The following ATXN10 variants were observed in gnomAD, a reference collection of about 807,000 sequenced individuals.
The protein encoded by ATXN10 is ataxin 10.
In ATXN10, 28 loss-of-function variants were observed where a neutral mutation model predicts 52.9. The observed-to-expected ratio is 0.53, with a 90% confidence interval of 0.39 to 0.73. The LOEUF is 0.73. Ranked by LOEUF, ATXN10 falls within the 30% of genes least tolerant of loss-of-function variation. The probability of loss-of-function intolerance (pLI) is 0.00; values close to 1 mark genes in which losing one functional copy is unlikely to be tolerated. For synonymous variants in ATXN10, 226 were observed against 221.5 expected (o/e 1.02, Z -0.18); for missense variants, 565 against 577.0 (o/e 0.98, Z 0.21).
intron 9 of ATXN10, among the ~76,000 whole-genome samples, chr22:45,804,924 C>T (rs992359439): frequency 9.9e-5 from 15 of 152,180 alleles, no homozygotes; most frequent in Non-Finnish European, 1.5e-5. Context: ...ACACAAGATT[C>T]TCATATAAGG....
At position 45,678,697 on chromosome 22, in the gene ATXN10, C is replaced by G. The variant is rs2146724090; in HGVS notation, c.116+6518C>G. ...ATAGAGCAATGAAGAGCCAGTAGCTCCAGTGAGCCAATCAGTAATTACTCA... is the reference window on the plus strand; with the variant it reads ...ATAGAGCAATGAAGAGCCAGTAGCTGCAGTGAGCCAATCAGTAATTACTCA... On this transcript the variant is annotated intron_variant, in intron 1 of 11. Coordinates refer to ENST00000252934, the MANE Select transcript of ATXN10 (RefSeq NM_013236.4). This position sits in a 1 kb window ranked among gnomAD's most constrained non-coding sequence, Gnocchi z 4.1. The G allele has an allele frequency of 6.6e-6, 1 of 152,236 alleles. No homozygotes were observed. The highest frequency in any genetic ancestry group is 1.5e-5 in the Non-Finnish European group (1 of 68,016). The allele number at this position is 152,236 out of a possible 1,614,324, so 9.4% of individuals were successfully genotyped here.
At chr22:45,753,911 T>A (rs1926083392) in intron 9 of ATXN10, among the ~76,000 whole-genome samples, 1 of 152,164 alleles carries the variant, frequency 6.6e-6, no homozygotes, top group Non-Finnish European at 1.5e-5. Context: ...GACTAGAGTT[T>A]TTCATTCTTT....
chr22:45,802,617 C>A (rs1291540991), intron 9 of ATXN10, among the ~76,000 whole-genome samples: 3 of 152,268 alleles, frequency 2.0e-5, no homozygotes, highest in East Asian at 3.9e-4. Context: ...TCCCTTGTAT[C>A]CTTTCCTAAT....
chr22:45,811,688 C>G (rs1026032053), intron 10 of ATXN10: 2 of 470,158 alleles, frequency 4.3e-6, no homozygotes, highest in African/African-American at 4.0e-5. Flanking sequence ...GATATTGTCT[C>G]TATCCCCAGT....
In ATXN10 at chr22:45,715,512, G is replaced by C. The variant is rs1490474637; in HGVS notation, c.648-2901G>C. Among the ~76,000 whole-genome samples the C allele has an allele frequency of 6.6e-6, 1 of 152,178 alleles. No individual in the cohort carries two copies. The highest frequency in any genetic ancestry group is 2.4e-5 in the African/African-American group (1 of 41,434). ...AAATTTGTGAACTTTCTTATAACAT[G>C]AGTTGTTTTTGTTATTTGCTGTTGT... is the stretch of plus-strand genomic sequence containing the variant. On this transcript the variant is annotated intron_variant, in intron 5 of 11. Transcript: ENST00000252934. The surrounding 1 kb of genome is among the most constrained non-coding windows in gnomAD (Gnocchi z 4.4).
intron 1 of ATXN10, among the ~76,000 whole-genome samples, chr22:45,682,946 C>T (rs570385329): frequency 6.6e-6 from 1 of 152,308 alleles, no homozygotes; most frequent in East Asian, 1.9e-4. Flanking sequence ...TCTCTTTCTC[C>T]CTTTAAGATT....
rs1926936252 is a variant in ATXN10, at chr22:45,775,869, A to G, written c.1174-31090A>G. 6.6e-6 allele frequency among the ~76,000 whole-genome samples: 1 copy of G among 152,164 alleles called. No individual in the cohort carries two copies. The highest frequency in any genetic ancestry group is 6.5e-5 in the Admixed American group (1 of 15,272). The stretch of plus-strand genomic sequence containing the variant: ...CGCCCCTCACAGCCAGCCGGGAGGT[A>G]ACATTAACATCCGTTTGCTGGTGTT... On this transcript the variant is annotated intron_variant, in intron 9 of 11. Transcript: ENST00000252934. This position sits in a 1 kb window ranked among gnomAD's most constrained non-coding sequence, Gnocchi z 4.7.
intron 5 of ATXN10, among the ~76,000 whole-genome samples, chr22:45,711,998 A>G (rs751397242): frequency 6.6e-6 from 1 of 152,230 alleles, no homozygotes; most frequent in African/African-American, 2.4e-5. Context: ...ACTTTAGAAT[A>G]TAAAAAAAAG....
In ATXN10 at chr22:45,762,474, C is replaced by T. The variant is rs1208213794; in HGVS notation, c.1173+21936C>T. 6.6e-6 allele frequency among the ~76,000 whole-genome samples: 1 copy of T among 152,188 alleles called. No homozygotes were observed. Among genetic ancestry groups the T allele is most frequent in the Non-Finnish European group, 1.5e-5 (1 of 68,030 alleles). On this transcript the variant is annotated intron_variant, in intron 9 of 11. Coordinates refer to ENST00000252934, the MANE Select transcript of ATXN10 (RefSeq NM_013236.4). The surrounding 1 kb of genome is among the most constrained non-coding windows in gnomAD (Gnocchi z 4.3). ...CATGTTCTGGCTGAGTGTTGGTGGG[C>T]TCCACCCTAGCCGAACCTGTGTCTG...
chr22:45,723,178 T>C, intron 6 of ATXN10, among the ~76,000 whole-genome samples: 1 of 152,258 alleles, frequency 6.6e-6, no homozygotes, highest in Non-Finnish European at 1.5e-5. Context: ...TATATATATA[T>C]GTAGATAGAT....
rs988593375 is a variant in ATXN10 at position 45,715,843 on chromosome 22, C to G, written c.648-2570C>G. 3.9e-5 allele frequency among the ~76,000 whole-genome samples: 6 copies of G among 152,244 alleles called. No individual in the cohort carries two copies. Among genetic ancestry groups the G allele is most frequent in the Admixed American group, 2.0e-4 (3 of 15,290 alleles). ...AAATCATAGAGCACATTCTCTTACT[C>G]ATAAGATGATTTCTAGAAAAATTCC... On this transcript the variant is annotated intron_variant, in intron 5 of 11. Coordinates refer to ENST00000252934, the MANE Select transcript of ATXN10 (RefSeq NM_013236.4). This position sits in a 1 kb window ranked among gnomAD's most constrained non-coding sequence, Gnocchi z 4.4.
At chr22:45,806,283 G>C (rs959526030) in intron 9 of ATXN10, among the ~76,000 whole-genome samples, 35 of 152,230 alleles carry the variant, frequency 2.3e-4, no homozygotes, top group African/African-American at 8.4e-4. Flanking sequence ...ATTATAATTT[G>C]CTTCCCTCTT....
At chr22:45,699,595 A>G (rs1923759416) in intron 3 of ATXN10, among the ~76,000 whole-genome samples, 1 of 148,898 alleles carries the variant, frequency 6.7e-6, no homozygotes, top group South Asian at 2.1e-4. Context: ...GGTTCAAGCA[A>G]TTCTCCCTGC....
intron 9 of ATXN10, among the ~76,000 whole-genome samples, chr22:45,756,075 C>G (rs138196): frequency 0.86 from 130,407 of 152,208 alleles, 56,025 homozygotes; most frequent in African/African-American, 0.91. Context: ...GACCACTGGG[C>G]ATGCCATTAG....
chr22:45,700,102 G>A (rs1021846248), intron 3 of ATXN10, among the ~76,000 whole-genome samples, 180 bp from the exon 4 acceptor site: 13 of 152,164 alleles, frequency 8.5e-5, no homozygotes, highest in African/African-American at 2.9e-4. Flanking sequence ...GTGAGCCGCC[G>A]CTCCCAGCCA....
rs1351737701 is a variant in ATXN10, at chr22:45,762,083, C to T, written c.1173+21545C>T. Among the ~76,000 whole-genome samples the T allele has an allele frequency of 1.3e-5, 2 of 152,114 alleles. No homozygotes were observed. The highest frequency in any genetic ancestry group is 2.9e-5 in the Non-Finnish European group (2 of 68,030). ...TCACTTTATGGTTTAAGTGAGCCAA[C>T]CAACAAAAGTTACTCATAAAAGATA... On this transcript the variant is annotated intron_variant, in intron 9 of 11. Coordinates refer to ENST00000252934, the MANE Select transcript of ATXN10 (RefSeq NM_013236.4). This position sits in a 1 kb window ranked among gnomAD's most constrained non-coding sequence, Gnocchi z 4.3.
rs764564460 is a variant in ATXN10, at chr22:45,842,973, C to A, written c.1238-18C>A. On this transcript the variant is annotated intron_variant, in intron 10 of 11. Coordinates refer to ENST00000252934, the MANE Select transcript of ATXN10 (RefSeq NM_013236.4). This position sits in a 1 kb window ranked among gnomAD's most constrained non-coding sequence, Gnocchi z 4.8. ...AAACAGGAAAGTACGTTGTCACATT[C>A]CTTCACTCTGGCTCCAGTTCTGACC... The A allele has an allele frequency of 6.2e-7, 1 of 1,613,562 alleles. No homozygotes were observed. The highest frequency in any genetic ancestry group is 8.5e-7 in the Non-Finnish European group (1 of 1,179,464).
intron 9 of ATXN10, among the ~76,000 whole-genome samples, chr22:45,798,340 T>C (rs1439095540): frequency 6.6e-6 from 1 of 152,234 alleles, no homozygotes; most frequent in Non-Finnish European, 1.5e-5. Context: ...GAACCTATGA[T>C]GGTTTATCTC....
chr22:45,777,143 CCTTA>C (rs2146848739), intron 9 of ATXN10, among the ~76,000 whole-genome samples: 1 of 152,264 alleles, frequency 6.6e-6, no homozygotes, highest in African/African-American at 2.4e-5. Flanking sequence ...CTAAGTGATA[CCTTA>C]CTTACTGAGA....
Sources: allele counts gnomAD v4.1 joint callset (sites outside exome capture counted in the v4.1 genomes callset), GRCh38; gene constraint gnomAD v4.1.1; non-coding constraint Gnocchi (gnomAD v3.1); transcripts MANE v1.5; gene names NCBI Gene and HGNC (gene_info 2026-07-23, HGNC 2026-07-21).